FTO: variants seen among roughly 807,000 people sequenced by gnomAD.
FTO encodes the protein alpha-ketoglutarate-dependent dioxygenase FTO.
FTO carries 47 observed loss-of-function variants against 63.9 expected under a neutral mutation model. That is an observed-to-expected ratio of 0.74 (90% CI 0.58 to 0.94). The LOEUF is 0.94. Among genes scored for constraint, FTO ranks in the 40% least tolerant of loss-of-function variants. The pLI, the probability that FTO is intolerant of heterozygous loss-of-function variation, is 0.00. For synonymous variants in FTO, 207 were observed against 224.4 expected (o/e 0.92, Z 0.69); for missense variants, 562 against 618.1 (o/e 0.91, Z 0.96).
At chr16:53,706,745 A>G (rs1031006955) in intron 1 of FTO, among the ~76,000 whole-genome samples, 1 of 152,142 alleles carries the variant, frequency 6.6e-6, no homozygotes, top group Admixed American at 6.5e-5. Flanking sequence ...ATGTATCCAT[A>G]ATTTGTTCCT....
chr16:53,957,737 G>A (rs2082963402), intron 8 of FTO, among the ~76,000 whole-genome samples: 1 of 152,222 alleles, frequency 6.6e-6, no homozygotes, highest in Non-Finnish European at 1.5e-5. Flanking sequence ...CAAATTATCA[G>A]TAACCTGGTA....
intron 1 of FTO, among the ~76,000 whole-genome samples, chr16:53,761,901 GTT>G (rs1327058865): frequency 6.6e-6 from 1 of 152,154 alleles, no homozygotes; most frequent in Non-Finnish European, 1.5e-5. Context: ...TTTTATATGT[GTT>G]ATATGTGATT....
intron 8 of FTO, among the ~76,000 whole-genome samples, chr16:53,960,051 G>A (rs1397779566): frequency 2.0e-5 from 3 of 152,022 alleles, no homozygotes; most frequent in African/African-American, 7.2e-5. Flanking sequence ...CTGGACTTGG[G>A]GATTTTTGAA....
At chr16:53,870,317 C>G (rs1042865199) in intron 4 of FTO, among the ~76,000 whole-genome samples, 5 of 152,176 alleles carry the variant, frequency 3.3e-5, no homozygotes, top group Admixed American at 6.5e-5. Flanking sequence ...CCTGTTAGAG[C>G]TTTTGGAGAT....
At chr16:53,876,628 C>T (rs574023698) in intron 5 of FTO, among the ~76,000 whole-genome samples, 3 of 152,240 alleles carry the variant, frequency 2.0e-5, no homozygotes, top group South Asian at 2.1e-4. Context: ...GCAAAGGAAT[C>T]GAATTAACAT....
intron 8 of FTO, among the ~76,000 whole-genome samples, chr16:54,030,202 G>A (rs1167066057): frequency 6.6e-6 from 1 of 152,158 alleles, no homozygotes; most frequent in African/African-American, 2.4e-5. Context: ...TGTTCATATG[G>A]AAGATAAATA....
chr16:53,777,349 T>G (rs191283968), intron 1 of FTO, among the ~76,000 whole-genome samples: 1 of 152,308 alleles, frequency 6.6e-6, no homozygotes, highest in African/African-American at 2.4e-5. Flanking sequence ...AGATTCAAGA[T>G]TCATCCATGT....
intron 8 of FTO, among the ~76,000 whole-genome samples, chr16:54,076,826 C>T (rs2086005440): frequency 6.6e-6 from 1 of 152,134 alleles, no homozygotes; most frequent in Non-Finnish European, 1.5e-5. Context: ...GTAAAGGCAT[C>T]TGTGTTAATA....
At chr16:53,856,239 C>T (rs762526488) in intron 4 of FTO, among the ~76,000 whole-genome samples, 5 of 151,914 alleles carry the variant, frequency 3.3e-5, no homozygotes, top group Non-Finnish European at 5.9e-5. Context: ...AGGACTAGGC[C>T]GGGAATGAGT....
In FTO at chr16:53,879,969, A is replaced by G. The variant is rs372467008; in HGVS notation, c.1101A>G (p.Gly367=). ...TTGAGCCTGCAGTTTTGAAACAAGG[A>G]GAAGAAATTCATAATGAGGTAAGGA... ...KSFEPAVLKQ[G]EEIHNEVEFE... is the part of the protein sequence containing the mutation. Residue 367 remains glycine, a synonymous_variant, in exon 6 of 9, where the codon GGA becomes GGG. Transcript: ENST00000471389. 1.3e-5 allele frequency: 21 copies of G among 1,613,328 alleles called. No homozygotes were observed. The highest frequency in any genetic ancestry group is 1.7e-5 in the Non-Finnish European group (20 of 1,179,446).
intron 8 of FTO, among the ~76,000 whole-genome samples, chr16:53,989,366 A>C (rs1156246574): frequency 6.6e-6 from 1 of 152,208 alleles, no homozygotes; most frequent in Non-Finnish European, 1.5e-5. Context: ...ATAAAATGAC[A>C]TTGCAAAGGC....
chr16:53,880,060 C>A, intron 6 of FTO, 73 bp downstream of exon 6: 1 of 1,099,176 alleles, frequency 9.1e-7, no homozygotes, highest in Non-Finnish European at 1.3e-6. Context: ...AGCGGCATGA[C>A]CTCGGCTCAC....
chr16:53,983,605 AAC>A (rs61573789), intron 8 of FTO, among the ~76,000 whole-genome samples: 7 of 150,734 alleles, frequency 4.6e-5, no homozygotes, highest in African/African-American at 1.2e-4. Flanking sequence ...CGAATTCACA[AAC>A]ACACACACAC....
At chr16:53,815,614 C>T (rs192305349) in intron 2 of FTO, among the ~76,000 whole-genome samples, 81 of 148,090 alleles carry the variant, frequency 5.5e-4, no homozygotes, top group Admixed American at 1.6e-3. Context: ...CATATCCACC[C>T]TATAAGGCCA....
chr16:53,987,463 A>G (rs1214240978), intron 8 of FTO, among the ~76,000 whole-genome samples: 1 of 151,946 alleles, frequency 6.6e-6, no homozygotes, highest in Non-Finnish European at 1.5e-5. Flanking sequence ...TGCGCCTGTA[A>G]TCCCAGCTAC....
At chr16:53,765,122 C>T (rs2077168390) in intron 1 of FTO, among the ~76,000 whole-genome samples, 1 of 152,146 alleles carries the variant, frequency 6.6e-6, no homozygotes, top group Non-Finnish European at 1.5e-5. Flanking sequence ...CCAGTTGCTT[C>T]CCGCATGTTC....
intron 7 of FTO, among the ~76,000 whole-genome samples, chr16:53,897,153 A>C (rs1431536025): frequency 6.6e-6 from 1 of 152,088 alleles, no homozygotes; most frequent in Non-Finnish European, 1.5e-5. Flanking sequence ...TGATATTTTT[A>C]ATAGCATGTT....
At chr16:53,945,081 C>T (rs563479289) in intron 8 of FTO, among the ~76,000 whole-genome samples, 1 of 152,290 alleles carries the variant, frequency 6.6e-6, no homozygotes, top group East Asian at 1.9e-4. Context: ...AGACACTCTA[C>T]GCCTTAGCAA....
At chr16:54,089,268 A>G (rs1339340953) in intron 8 of FTO, among the ~76,000 whole-genome samples, 1 of 152,246 alleles carries the variant, frequency 6.6e-6, no homozygotes, top group Non-Finnish European at 1.5e-5. Context: ...AACAGTTCAC[A>G]CTAATTACTT....
Sources: allele counts gnomAD v4.1 joint callset (sites outside exome capture counted in the v4.1 genomes callset), GRCh38; gene constraint gnomAD v4.1.1; transcripts MANE v1.5; gene names NCBI Gene and HGNC (gene_info 2026-07-23, HGNC 2026-07-21).